Variants in MALRD1 observed in about 807,000 individuals in gnomAD.
The protein encoded by MALRD1 is MAM and LDL receptor class A domain containing 1.
MALRD1 carries 247 observed loss-of-function variants against 242.1 expected under a neutral mutation model. That is an observed-to-expected ratio of 1.02 (90% CI 0.92 to 1.13). The LOEUF (loss-of-function observed/expected upper bound fraction) is 1.13. Ranked by LOEUF, MALRD1 falls within the 50% of genes most tolerant of loss-of-function variation. The probability of loss-of-function intolerance (pLI) is 0.00; values close to 1 mark genes in which losing one functional copy is unlikely to be tolerated. For missense variants in MALRD1, 2,989 were observed against 2,533.1 expected, an observed-to-expected ratio of 1.18 and a Z score of -3.86; for synonymous variants, 995 against 866.6, an observed-to-expected ratio of 1.15 and a Z score of -2.60.
chr10:19,725,834 T>C (rs1834998912), intron 38 of MALRD1, among the ~76,000 whole-genome samples: 1 of 152,134 alleles, frequency 6.6e-6, no homozygotes, highest in Non-Finnish European at 1.5e-5. Context: ...GCCAAGTCCA[T>C]CCAATGGGGA....
At chr10:19,318,591 T>C (rs904203729) in intron 21 of MALRD1, among the ~76,000 whole-genome samples, 2 of 151,796 alleles carry the variant, frequency 1.3e-5, no homozygotes, top group East Asian at 3.9e-4. Flanking sequence ...CAGTGACATA[T>C]GCTTTTATCA....
intron 36 of MALRD1, among the ~76,000 whole-genome samples, chr10:19,622,281 G>C (rs16919201): frequency 0.057 from 8,632 of 151,690 alleles, 712 homozygotes; most frequent in African/African-American, 0.19. Context: ...TACTAAGTAG[G>C]TTTGGAGGAT....
chr10:19,085,955 T>G (rs1835655237), intron 2 of MALRD1, among the ~76,000 whole-genome samples: 1 of 152,078 alleles, frequency 6.6e-6, no homozygotes, highest in Non-Finnish European at 1.5e-5. Flanking sequence ...AAATAATATA[T>G]GCATATGGCT....
intron 29 of MALRD1, among the ~76,000 whole-genome samples, chr10:19,457,613 G>A (rs74118952): frequency 0.15 from 22,216 of 151,386 alleles, 1,909 homozygotes; most frequent in African/African-American, 0.25. Flanking sequence ...GTTCTAGAAC[G>A]TCCCTTCTTA....
intron 14 of MALRD1, among the ~76,000 whole-genome samples, chr10:19,195,212 TG>T (rs1358036028): frequency 3.9e-5 from 6 of 152,186 alleles, no homozygotes; most frequent in Non-Finnish European, 7.4e-5. Flanking sequence ...TGTAAATAAA[TG>T]GGGATTACTA....
chr10:19,694,694 A>G (rs903002654), intron 38 of MALRD1, among the ~76,000 whole-genome samples: 1 of 152,162 alleles, frequency 6.6e-6, no homozygotes, highest in Non-Finnish European at 1.5e-5. Context: ...AACTAGAAAT[A>G]CCATTTGACC....
intron 19 of MALRD1, among the ~76,000 whole-genome samples, chr10:19,263,793 G>C (rs118027025): frequency 0.044 from 6,710 of 152,142 alleles, 190 homozygotes; most frequent in Middle Eastern, 0.078. Flanking sequence ...ATTGGTCCAT[G>C]TTTCTGCTTT....
At chr10:19,634,570 G>A (rs1325555419) in intron 36 of MALRD1, among the ~76,000 whole-genome samples, 1 of 152,084 alleles carries the variant, frequency 6.6e-6, no homozygotes, top group Non-Finnish European at 1.5e-5. Context: ...AGTCATGCTT[G>A]CGGAATATGG....
At chr10:19,589,877 A>G (rs912283807) in intron 33 of MALRD1, among the ~76,000 whole-genome samples, 5 of 151,924 alleles carry the variant, frequency 3.3e-5, no homozygotes, top group African/African-American at 1.2e-4. Context: ...TCTAAGTTTT[A>G]TTTTTGCTCT....
intron 28 of MALRD1, among the ~76,000 whole-genome samples, chr10:19,423,031 C>T (rs1833773017): frequency 6.6e-6 from 1 of 152,160 alleles, no homozygotes; most frequent in Admixed American, 6.6e-5. Flanking sequence ...TTATGGCTTC[C>T]TGTCCTATGC....
At chr10:19,730,528 G>T in intron 38 of MALRD1, 178 bp from the exon 39 acceptor site, 1 of 697,432 alleles carries the variant, frequency 1.4e-6, no homozygotes. Flanking sequence ...GGTTGCCTTG[G>T]TGTCCTGCAA....
intron 38 of MALRD1, 105 bp from the exon 39 acceptor site, chr10:19,730,601 G>T (rs1835248621): frequency 9.0e-7 from 1 of 1,115,608 alleles, no homozygotes; most frequent in South Asian, 1.3e-5. Context: ...AAGTGTGCTG[G>T]CTAGACAACA....
At chr10:19,407,663 C>G (rs1219656160) in intron 28 of MALRD1, among the ~76,000 whole-genome samples, 1 of 152,008 alleles carries the variant, frequency 6.6e-6, no homozygotes, top group Non-Finnish European at 1.5e-5. Context: ...ACTCTAAATA[C>G]CCAAATGTTG....
intron 28 of MALRD1, among the ~76,000 whole-genome samples, chr10:19,440,547 A>G (rs545036169): frequency 7.2e-4 from 109 of 152,076 alleles, no homozygotes; most frequent in African/African-American, 2.5e-3. Context: ...CCTGTGTCCA[A>G]GTGTTCTCAT....
At chr10:19,203,433 G>A (rs1836638029) in intron 14 of MALRD1, among the ~76,000 whole-genome samples, 1 of 152,046 alleles carries the variant, frequency 6.6e-6, no homozygotes. Context: ...AATGAATTAG[G>A]CATACCTTGG....
chr10:19,348,015 C>A lies in MALRD1; in HGVS notation c.4146C>A (p.Cys1382Ter). ...TTATAAGTAAGAGAAGCAAAAACTG[C>A]AAGGTATGGGGAAAATCGAACCAAC... ...SPVISKRSKN[C>*]KIIFHYHMYG... The change falls in exon 25 of 40, where the codon TGC (cysteine) becomes TGA (stop). Residue 1382 changes from cysteine to a stop codon, truncating the protein, a stop_gained. Transcript: ENST00000454679. LOFTEE classifies it high-confidence loss of function. The A allele has an allele frequency of 6.5e-7, 1 of 1,549,988 alleles. No individual in the cohort carries two copies. The highest frequency in any genetic ancestry group is 2.0e-5 in the Admixed American group (1 of 50,928).
intron 36 of MALRD1, among the ~76,000 whole-genome samples, chr10:19,670,142 G>T (rs898613897): frequency 4.6e-5 from 7 of 151,776 alleles, no homozygotes; most frequent in Non-Finnish European, 8.8e-5. Flanking sequence ...ATTCAGCACT[G>T]CCTTAAAGTT....
upstream of MALRD1, among the ~76,000 whole-genome samples, chr10:19,047,839 C>T (rs1834376535): frequency 6.6e-6 from 1 of 152,124 alleles, no homozygotes. Flanking sequence ...GCCTTTTCTG[C>T]CCCTGGTCTA....
In MALRD1 at chr10:19,331,291, T is replaced by C. The variant is rs1405874144; in HGVS notation, c.3688-78T>C. 8 of 1,127,274 alleles carry C rather than the reference T, an allele frequency of 7.1e-6. No individual in the cohort carries two copies. In the Admixed American group the frequency reaches 1.1e-4, roughly 16 times the overall value. The allele number at this position is 1,127,274 out of a possible 1,614,324, so 69.8% of individuals were successfully genotyped here. On this transcript the variant is annotated intron_variant, in intron 23 of 39. Coordinates refer to ENST00000454679, the MANE Select transcript of MALRD1 (RefSeq NM_001142308.3). ...CAACAAAAAACAGATTCACGATTGA[T>C]GTGCTTGATACTTAGTGTTTGCCCA...
Sources: gnomAD v4.1 joint callset for allele counts (sites outside exome capture counted in the v4.1 genomes callset) on GRCh38, gnomAD v4.1.1 for gene constraint, MANE v1.5 for transcripts, NCBI Gene and HGNC (gene_info 2026-07-23, HGNC 2026-07-21) for gene names.